Variants in PKHD1 observed in about 807,000 individuals in gnomAD.
The protein encoded by PKHD1 is fibrocystin.
A neutral mutation model predicts 412.0 loss-of-function variants in PKHD1; 291 were observed. That is an observed-to-expected ratio of 0.71 (90% CI 0.64 to 0.78). The LOEUF is 0.78. PKHD1 is among the 30% of genes least tolerant of loss of function. The pLI is 0.00. For missense variants in PKHD1, 4,825 were observed against 4,950.7 expected, an observed-to-expected ratio of 0.97 and a Z score of 0.76; for synonymous variants, 1,777 against 1,821.5, an observed-to-expected ratio of 0.98 and a Z score of 0.62.
At chr6:51,897,959 G>A (rs1780423944) in intron 43 of PKHD1, among the ~76,000 whole-genome samples, 1 of 152,108 alleles carries the variant, frequency 6.6e-6, no homozygotes, top group Admixed American at 6.6e-5. Context: ...AACAAGAAGA[G>A]TTAACTATCC....
rs761249315 is a variant in PKHD1 at position 51,912,378 on chromosome 6, T to G, written c.6320A>C (p.Lys2107Thr). 31 of 1,610,050 alleles carry G rather than the reference T, an allele frequency of 1.9e-5. No individual in the cohort carries two copies. Among genetic ancestry groups the G allele is most frequent in the African/African-American group, 2.7e-5 (2 of 74,806 alleles). Residue 2107 changes from lysine (K) to threonine (T), a missense_variant, in exon 38 of 67, where the codon AAG (lysine) becomes ACG (threonine). By Grantham distance (78) the Lys-to-Thr change is moderately conservative. Coordinates refer to ENST00000371117, the MANE Select transcript of PKHD1 (RefSeq NM_138694.4). ...TGACACTCAGTACCTCAAAGGTGAC[T>G]TAAGATAGAGGTCTGTATCCTGCAC... Reference protein sequence around the residue: ...ETVQDTDLYLKSPLRYSHNFT... With the variant: ...ETVQDTDLYLTSPLRYSHNFT...
At chr6:51,794,185 C>T (rs193245775) in intron 52 of PKHD1, among the ~76,000 whole-genome samples, 15 of 151,880 alleles carry the variant, frequency 9.9e-5, no homozygotes, top group South Asian at 4.2e-4. Context: ...TACAGGTGTC[C>T]GCCACCGCGC....
chr6:51,767,581 C>T (rs1016634955), intron 55 of PKHD1, among the ~76,000 whole-genome samples: 1 of 152,012 alleles, frequency 6.6e-6, no homozygotes, highest in Non-Finnish European at 1.5e-5. Flanking sequence ...GTTTTGTGTC[C>T]TTGTGATAGT....
Position 52,024,940 on chromosome 6 carries a change from G to C in PKHD1, c.4870C>G (p.Arg1624Gly). Residue 1624 changes from arginine to glycine, a missense_variant, in exon 32 of 67, where the codon CGG becomes GGG. Arg to Gly is a moderately radical substitution (Grantham distance 125, BLOSUM62 -2). Coordinates refer to ENST00000371117, the MANE Select transcript of PKHD1 (RefSeq NM_138694.4). The part of the protein sequence containing the change: ...LTVNIGAELI[R>G]CIVPTGNGSV... Reference sequence around the variant, plus strand: ...CCATTCCCTGTGGGAACAATGCACCGGATGAGCTCAGCACCGATGTTCACC... The same window carrying C: ...CCATTCCCTGTGGGAACAATGCACCCGATGAGCTCAGCACCGATGTTCACC... 4 of 1,614,186 alleles carry C rather than the reference G, an allele frequency of 2.5e-6. No homozygotes were observed. Among genetic ancestry groups the C allele is most frequent in the Non-Finnish European group, 3.4e-6 (4 of 1,180,032 alleles).
intron 35 of PKHD1, chr6:51,975,986 A>C (rs1000392521): frequency 2.0e-5 from 3 of 151,128 alleles, no homozygotes; most frequent in East Asian, 3.9e-4. Context: ...AAAAAAAAAA[A>C]AAAACAGAAA....
chr6:51,816,783 T>C (rs1355777909), intron 52 of PKHD1, among the ~76,000 whole-genome samples: 3 of 152,256 alleles, frequency 2.0e-5, no homozygotes, highest in African/African-American at 7.2e-5. Flanking sequence ...ATAAATCCTC[T>C]GCCACATGGC....
rs1223521133 is a variant in PKHD1, at chr6:51,856,175, C to T, written c.7734-105G>A. Reference sequence around the variant, plus strand: ...AATTGCAATCATCTTTCCATTCTCTCCACATATGTCTTAGGCCCTCTTTAG... The same window carrying T: ...AATTGCAATCATCTTTCCATTCTCTTCACATATGTCTTAGGCCCTCTTTAG... On this transcript the variant is annotated intron_variant, in intron 48 of 66. Transcript: ENST00000371117. 5.1e-6 allele frequency: 4 copies of T among 789,846 alleles called. No homozygotes were observed. The East Asian group carries it at 9.9e-5, about 19-fold the overall frequency. 48.9% of individuals were successfully genotyped at this position (789,846 alleles called of 1,614,324 possible). A position where few individuals can be genotyped will look rare whatever the true frequency, so the allele number is the denominator to read the frequency against.
intron 63 of PKHD1, among the ~76,000 whole-genome samples, 193 bp downstream of exon 63, chr6:51,647,838 T>C (rs1770314691): frequency 6.6e-6 from 1 of 152,190 alleles, no homozygotes; most frequent in Non-Finnish European, 1.5e-5. Context: ...GTGGTGACTT[T>C]AGGATTTGCT....
At chr6:52,003,500 T>A (rs887965632) in intron 35 of PKHD1, among the ~76,000 whole-genome samples, 1 of 152,192 alleles carries the variant, frequency 6.6e-6, no homozygotes, top group African/African-American at 2.4e-5. Context: ...GTTGCCTGCA[T>A]TTCCTTGATA....
chr6:51,797,774 C>A (rs1794832314), intron 52 of PKHD1, among the ~76,000 whole-genome samples: 1 of 152,068 alleles, frequency 6.6e-6, no homozygotes, highest in Non-Finnish European at 1.5e-5. Flanking sequence ...GACTCTATGT[C>A]TTTTAATTGG....
intron 27 of PKHD1, among the ~76,000 whole-genome samples, chr6:52,036,907 T>C (rs1804042316): frequency 6.6e-6 from 1 of 152,168 alleles, no homozygotes; most frequent in Non-Finnish European, 1.5e-5. Flanking sequence ...AATAGACATA[T>C]AAACAGAATT....
chr6:51,860,073 G>A (rs1028393852), intron 48 of PKHD1, among the ~76,000 whole-genome samples: 1 of 152,126 alleles, frequency 6.6e-6, no homozygotes, highest in Non-Finnish European at 1.5e-5. Flanking sequence ...GGTTTATTAG[G>A]GATGCAATTT....
intron 6 of PKHD1, among the ~76,000 whole-genome samples, chr6:52,075,951 T>G (rs1366704597): frequency 6.6e-6 from 1 of 152,174 alleles, no homozygotes. Context: ...TAATAAAGGT[T>G]TATTATTATG....
chr6:51,989,941 A>AAGGAAGGAAGGAAGGAGGG (rs1796780238), intron 35 of PKHD1, among the ~76,000 whole-genome samples: 1 of 90,468 alleles, frequency 1.1e-5, no homozygotes, highest in Non-Finnish European at 2.3e-5. Flanking sequence ...GGAAAGAAGG[A>AAGGAAGGAAGGAAGGAGGG]AGGAAGAAAG....
intron 52 of PKHD1, among the ~76,000 whole-genome samples, chr6:51,805,926 G>A (rs1763690464): frequency 6.6e-6 from 1 of 152,082 alleles, no homozygotes; most frequent in Admixed American, 6.6e-5. Context: ...CTTTGCTATT[G>A]TGAATAGTGC....
At chr6:51,968,257 A>C (rs545293157) in intron 35 of PKHD1, among the ~76,000 whole-genome samples, 172 of 152,318 alleles carry the variant, frequency 1.1e-3, no homozygotes, top group African/African-American at 4.1e-3. Flanking sequence ...TTACAGAAAC[A>C]AACAAAAGTT....
intron 53 of PKHD1, among the ~76,000 whole-genome samples, chr6:51,785,807 C>A (rs1370099320): frequency 1.3e-5 from 2 of 152,180 alleles, no homozygotes; most frequent in Non-Finnish European, 2.9e-5. Context: ...GTTTTATTCA[C>A]ACTTTTAATT....
At chr6:52,063,867 G>A (rs761683287) in intron 13 of PKHD1, among the ~76,000 whole-genome samples, 1 of 152,214 alleles carries the variant, frequency 6.6e-6, no homozygotes, top group African/African-American at 2.4e-5. Context: ...CCTTCATAAA[G>A]GACAACACTA....
intron 60 of PKHD1, among the ~76,000 whole-genome samples, chr6:51,677,271 G>A (rs954485904): frequency 1.3e-5 from 2 of 152,110 alleles, no homozygotes; most frequent in African/African-American, 4.8e-5. Flanking sequence ...TTGTTAGACA[G>A]TGGCCCTTCA....
Sources: allele counts gnomAD v4.1 joint callset (sites outside exome capture counted in the v4.1 genomes callset), GRCh38; gene constraint gnomAD v4.1.1; transcripts MANE v1.5; gene names NCBI Gene and HGNC (gene_info 2026-07-23, HGNC 2026-07-21).